The following PACS2 variants were observed in gnomAD, a reference collection of about 807,000 sequenced individuals.
The protein encoded by PACS2 is PACS1-like protein.
In PACS2, 36 loss-of-function variants were observed where a neutral mutation model predicts 113.0. The ratio of observed to expected loss-of-function variants is 0.32; its 90% CI spans 0.24 to 0.42. The LOEUF (loss-of-function observed/expected upper bound fraction) is 0.42. Among genes scored for constraint, PACS2 ranks in the 10% least tolerant of loss-of-function variants. The pLI, the probability that PACS2 is intolerant of heterozygous loss-of-function variation, is 1.00. For synonymous variants in PACS2, 589 were observed against 536.1 expected (o/e 1.10, Z -1.36); for missense variants, 1,015 against 1,239.5 (o/e 0.82, Z 2.72).
At chr14:105,342,413 G>A (rs1294805016) in intron 1 of PACS2, among the ~76,000 whole-genome samples, 2 of 151,986 alleles carry the variant, frequency 1.3e-5, no homozygotes, top group African/African-American at 2.4e-5. Flanking sequence ...GACTGCAGGT[G>A]CGCCCCACCA....
Position 105,392,748 on chromosome 14 carries a change from C to A in PACS2, c.2385C>A (p.Phe795Leu), listed in dbSNP as rs1555415274. The A allele has an allele frequency of 6.2e-7, 1 of 1,612,532 alleles. No individual in the cohort carries two copies. The highest frequency in any genetic ancestry group is 8.5e-7 in the Non-Finnish European group (1 of 1,180,020). ...CCAAAAACACGCTCAAGTGCACTTT[C>A]CGGTCCCTCCAGGTCAGCAGGCTGC... Reference protein sequence around the residue: ...PVTKNTLKCTFRSLQVSRLPS... With the variant: ...PVTKNTLKCTLRSLQVSRLPS... The change falls in exon 23 of 25, where the codon TTC (phenylalanine) becomes TTA (leucine). Residue 795 changes from phenylalanine to leucine, a missense_variant. Physicochemically the swap from Phe to Leu is conservative, Grantham distance 22 (BLOSUM62 0). This residue lies in a region of PACS2 where 859 missense variants were observed against 1,056.8 expected (regional missense o/e 0.81). Coordinates refer to ENST00000447393, the MANE Select transcript of PACS2 (RefSeq NM_001100913.3).
In PACS2 at chr14:105,369,486, C is replaced by G. The variant is rs587599361; in HGVS notation, c.742-355C>G. Among the ~76,000 whole-genome samples, 4 of 152,360 alleles carry G rather than the reference C, an allele frequency of 2.6e-5. No individual in the cohort carries two copies. The East Asian group carries it at 7.7e-4, about 29-fold the overall frequency. On this transcript the variant is annotated intron_variant, in intron 7 of 24. Coordinates refer to ENST00000447393, the MANE Select transcript of PACS2 (RefSeq NM_001100913.3). ...CCCCACCCCACACTCGCCCACCTGC[C>G]CACCCCACGTGGGTGCCCAGCACCT...
rs1356095796 is a variant in PACS2 at position 105,317,375 on chromosome 14, G to A, written c.119+2338G>A. 6.6e-6 allele frequency among the ~76,000 whole-genome samples: 1 copy of A among 152,166 alleles called. No individual in the cohort carries two copies. Among genetic ancestry groups the A allele is most frequent in the African/African-American group, 2.4e-5 (1 of 41,446 alleles). On this transcript the variant is annotated intron_variant, in intron 1 of 24. Transcript: ENST00000447393. This position sits in a 1 kb window ranked among gnomAD's most constrained non-coding sequence, Gnocchi z 4.2. ...CGCCAGCTACCAGGATTTATGGTGG[G>A]GGTGTGCACGCACTCAGCGTTACTG...
chr14:105,381,587 C>G (rs2080996411), intron 12 of PACS2, among the ~76,000 whole-genome samples: 1 of 152,236 alleles, frequency 6.6e-6, no homozygotes, highest in South Asian at 2.1e-4. Flanking sequence ...GCACCTGGCT[C>G]TGCCCAGCTC....
chr14:105,332,420 C>T (rs2059337115), intron 1 of PACS2, among the ~76,000 whole-genome samples: 2 of 152,112 alleles, frequency 1.3e-5, no homozygotes, highest in Non-Finnish European at 2.9e-5. Flanking sequence ...GCAGGTGGCC[C>T]CCTCGGCTGT....
Position 105,348,474 on chromosome 14 carries a change from G to T in PACS2, c.120-19G>T. 1.3e-6 allele frequency: 2 copies of T among 1,597,204 alleles called. No homozygotes were observed. Among genetic ancestry groups the T allele is most frequent in the Non-Finnish European group, 1.7e-6 (2 of 1,167,120 alleles). On this transcript the variant is annotated intron_variant, in intron 1 of 24. Coordinates refer to ENST00000447393, the MANE Select transcript of PACS2 (RefSeq NM_001100913.3). The surrounding 1 kb of genome is among the most constrained non-coding windows in gnomAD (Gnocchi z 6.4). ...GGAGAGGGCGGAGCCCCGAGGCTGA[G>T]CTGTGCCTTGCCTCACAGGTTGTGC...
rs995882504 is a variant in PACS2 at position 105,315,493 on chromosome 14, C to T, written c.119+456C>T. 3 of 152,402 alleles carry T rather than the reference C, an allele frequency of 2.0e-5. No individual in the cohort carries two copies. The highest frequency in any genetic ancestry group is 4.8e-5 in the African/African-American group (2 of 41,586). 9.4% of individuals were successfully genotyped at this position (152,402 alleles called of 1,614,324 possible). ...CGGGGCGCGCAGGACTCGGTTGTAT[C>T]CTCCGTCCAGCGCGCGGTGGAGATG... On this transcript the variant is annotated intron_variant, in intron 1 of 24. Transcript: ENST00000447393. This position sits in a 1 kb window ranked among gnomAD's most constrained non-coding sequence, Gnocchi z 4.4.
At chr14:105,342,399 C>T (rs919662220) in intron 1 of PACS2, among the ~76,000 whole-genome samples, 1 of 152,054 alleles carries the variant, frequency 6.6e-6, no homozygotes, top group Non-Finnish European at 1.5e-5. Context: ...TCCCAAGTAG[C>T]TGGGACTGCA....
At position 105,324,579 on chromosome 14, in the gene PACS2, C is replaced by T. The variant is rs115463406; in HGVS notation, c.119+9542C>T. On this transcript the variant is annotated intron_variant, in intron 1 of 24. Transcript: ENST00000447393. The surrounding 1 kb of genome is among the most constrained non-coding windows in gnomAD (Gnocchi z 4.7). ...GCTGAGAGGCCGTCCCTTTCTGCTC[C>T]GCAGGCGCGCGCCGATGTGTGCTCA... is the stretch of plus-strand genomic sequence containing the variant. 0.014 allele frequency among the ~76,000 whole-genome samples: 2,185 copies of T among 152,324 alleles called. 59 individuals carry two copies. Among genetic ancestry groups the T allele is most frequent in the African/African-American group, 0.05 (2,092 of 41,572 alleles).
At chr14:105,392,315 G>T in intron 22 of PACS2, 1 of 423,194 alleles carries the variant, frequency 2.4e-6, no homozygotes, top group Non-Finnish European at 4.3e-6. Flanking sequence ...TCCAGGCTGC[G>T]CCTGAGGGAG....
rs1393993047 is a variant in PACS2, at chr14:105,365,789, C to T, written c.424-1424C>T. ...TTCTCACCCCTGTGTGACACTGAGACCCTGCCACATCAGATGCCACTCTGA... is the reference window on the plus strand; with the variant it reads ...TTCTCACCCCTGTGTGACACTGAGATCCTGCCACATCAGATGCCACTCTGA... On this transcript the variant is annotated intron_variant, in intron 4 of 24. Coordinates refer to ENST00000447393, the MANE Select transcript of PACS2 (RefSeq NM_001100913.3). The surrounding 1 kb of genome is among the most constrained non-coding windows in gnomAD (Gnocchi z 5.1). Among the ~76,000 whole-genome samples the T allele has an allele frequency of 6.6e-6, 1 of 152,146 alleles. No homozygotes were observed. The highest frequency in any genetic ancestry group is 2.4e-5 in the African/African-American group (1 of 41,436).
At position 105,367,339 on chromosome 14, in the gene PACS2, A is replaced by G. The variant is rs377643544; in HGVS notation, c.550A>G (p.Ser184Gly). 2.5e-6 allele frequency: 4 copies of G among 1,613,242 alleles called. No homozygotes were observed. The highest frequency in any genetic ancestry group is 2.2e-5 in the East Asian group (1 of 44,894). Reference sequence around the variant, plus strand: ...CAGCCAGCCCATTGACCACGAAGACAGCACCATGCAGGCCGGCCCCAAGGC... The same window carrying G: ...CAGCCAGCCCATTGACCACGAAGACGGCACCATGCAGGCCGGCCCCAAGGC... ...LSSQPIDHEDSTMQAGPKAKS... is the reference protein window; with the variant it reads ...LSSQPIDHEDGTMQAGPKAKS... Residue 184 changes from serine to glycine, a missense_variant, in exon 5 of 25, where the codon AGC (serine) becomes GGC (glycine). Coordinates refer to ENST00000447393, the MANE Select transcript of PACS2 (RefSeq NM_001100913.3).
chr14:105,335,528 G>T (rs1009783435), intron 1 of PACS2, among the ~76,000 whole-genome samples: 7 of 152,248 alleles, frequency 4.6e-5, no homozygotes, highest in Non-Finnish European at 7.3e-5. Context: ...TGGGGCAGGT[G>T]GGGACCACCT....
In PACS2 at chr14:105,323,848, C is replaced by A. The variant is rs2058989294; in HGVS notation, c.119+8811C>A. ...CACTCGAGCTGGGGCCAAGGGGCAG[C>A]AGGACGGTGCCCGTAGCCCTGGAGG... On this transcript the variant is annotated intron_variant, in intron 1 of 24. Coordinates refer to ENST00000447393, the MANE Select transcript of PACS2 (RefSeq NM_001100913.3). This position sits in a 1 kb window ranked among gnomAD's most constrained non-coding sequence, Gnocchi z 4.1. Among the ~76,000 whole-genome samples, 1 of 152,210 alleles carries A rather than the reference C, an allele frequency of 6.6e-6. No individual in the cohort carries two copies. The highest frequency in any genetic ancestry group is 1.5e-5 in the Non-Finnish European group (1 of 68,028).
intron 9 of PACS2, among the ~76,000 whole-genome samples, chr14:105,379,214 AGGCCTGGATGGTTTGGAAGGACCTGGATG>A (rs1228287188): frequency 1.8e-4 from 27 of 152,156 alleles, no homozygotes; most frequent in African/African-American, 5.8e-4. Context: ...TAGTCTGGAT[AGGCCTGGATGGTTTGGAAGGACCTGGATG>A]GGCCTGGGTG....
At position 105,324,715 on chromosome 14, in the gene PACS2, G is replaced by A. The variant is rs889496348; in HGVS notation, c.119+9678G>A. Among the ~76,000 whole-genome samples, 5 of 152,048 alleles carry A rather than the reference G, an allele frequency of 3.3e-5. No homozygotes were observed. Among genetic ancestry groups the A allele is most frequent in the Non-Finnish European group, 5.9e-5 (4 of 67,972 alleles). On this transcript the variant is annotated intron_variant, in intron 1 of 24. Coordinates refer to ENST00000447393, the MANE Select transcript of PACS2 (RefSeq NM_001100913.3). This position sits in a 1 kb window ranked among gnomAD's most constrained non-coding sequence, Gnocchi z 4.7. ...GCTCCGGCCTGTGGAGGCCGGTGGC[G>A]CCCCGTCTCACCCCACGGATGGGGG...
chr14:105,394,112 G>A (rs2081464751), intron 24 of PACS2: 2 of 667,904 alleles, frequency 3.0e-6, no homozygotes, highest in Non-Finnish European at 1.9e-6. Flanking sequence ...AGCTCTGGGA[G>A]GCTTTCCTCT....
At chr14:105,311,274 G>A (rs2058344023), upstream of PACS2, among the ~76,000 whole-genome samples, 1 of 150,576 alleles carries the variant, frequency 6.6e-6, no homozygotes, top group African/African-American at 2.4e-5. Flanking sequence ...TATTTTTTGA[G>A]ATGGAGCCTG....
At position 105,348,407 on chromosome 14, in the gene PACS2, C is replaced by CG; in HGVS notation, c.120-82dup. 9.5e-7 allele frequency: 1 copy of CG among 1,053,022 alleles called. No individual in the cohort carries two copies. Among genetic ancestry groups the CG allele is most frequent in the South Asian group, 1.3e-5 (1 of 75,452 alleles). 65.2% of individuals were successfully genotyped at this position (1,053,022 alleles called of 1,614,324 possible). A position where few individuals can be genotyped will look rare whatever the true frequency, so the allele number is the denominator to read the frequency against. ...CCCTGCACCCCAGGGTGCAGGCTCCCGGGGTGACACAGTGCTGGGACGGCA... is the reference window on the plus strand; with the variant it reads ...CCCTGCACCCCAGGGTGCAGGCTCCCGGGGGTGACACAGTGCTGGGACGGCA... On this transcript the variant is annotated intron_variant, in intron 1 of 24. Transcript: ENST00000447393. The surrounding 1 kb of genome is among the most constrained non-coding windows in gnomAD (Gnocchi z 6.4).
Sources: gnomAD v4.1 joint callset for allele counts (sites outside exome capture counted in the v4.1 genomes callset) on GRCh38, gnomAD v4.1.1 for gene constraint, gnomAD v4.1.1 regional missense constraint, Gnocchi (gnomAD v3.1) non-coding constraint, MANE v1.5 for transcripts, NCBI Gene and HGNC (gene_info 2026-07-23, HGNC 2026-07-21) for gene names.